XIRP2: variants seen among roughly 807,000 people sequenced by gnomAD.
The protein encoded by XIRP2 is xin actin binding repeat containing 2, also known as xin actin-binding repeat-containing protein 2.
Under a neutral mutation model 277.0 loss-of-function variants are expected in XIRP2, and 236 were observed. That is an observed-to-expected ratio of 0.85 (90% CI 0.77 to 0.95). The LOEUF is 0.95. Among genes scored for constraint, XIRP2 ranks in the 40% least tolerant of loss-of-function variants. The pLI is 0.00. For missense variants in XIRP2, 4,640 were observed against 4,157.5 expected, an observed-to-expected ratio of 1.12 and a Z score of -3.19; for synonymous variants, 1,490 against 1,416.5, an observed-to-expected ratio of 1.05 and a Z score of -1.17.
rs959210816 is a variant in XIRP2 at position 166,988,467 on chromosome 2, A to G, written c.408+84577A>G. On this transcript the variant is annotated intron_variant, in intron 2 of 10. Coordinates refer to ENST00000409195, the MANE Select transcript of XIRP2 (RefSeq NM_152381.6). Reference sequence around the variant, plus strand: ...GAAAACTTTAGTTGGAGGAGCCAAGATGGCCGAATAGGAACAGCTCCGGTC... The same window carrying G: ...GAAAACTTTAGTTGGAGGAGCCAAGGTGGCCGAATAGGAACAGCTCCGGTC... Among the ~76,000 whole-genome samples the G allele has an allele frequency of 1.5e-5, 2 of 134,394 alleles. 1 individual carries two copies. Among genetic ancestry groups the G allele is most frequent in the African/African-American group, 5.9e-5 (2 of 33,804 alleles). The allele number at this position is 134,394 out of a possible 152,430, so 88.2% of individuals were successfully genotyped here.
At chr2:167,053,883 A>G (rs1393462650) in intron 2 of XIRP2, among the ~76,000 whole-genome samples, 1 of 152,218 alleles carries the variant, frequency 6.6e-6, no homozygotes, top group African/African-American at 2.4e-5. Context: ...GTTCTTGGCA[A>G]GGAGTAAGCT....
chr2:167,095,986 G>A (rs925815842), intron 2 of XIRP2, among the ~76,000 whole-genome samples: 2 of 145,786 alleles, frequency 1.4e-5, no homozygotes, highest in African/African-American at 2.5e-5. Context: ...CCATTCTTCT[G>A]CCTCTGCCTC....
intron 2 of XIRP2, among the ~76,000 whole-genome samples, chr2:166,985,725 G>A (rs571071931): frequency 1.3e-5 from 2 of 151,942 alleles, no homozygotes; most frequent in African/African-American, 2.4e-5. Flanking sequence ...CACCGCGCCC[G>A]GCCTAAAAAT....
intron 2 of XIRP2, among the ~76,000 whole-genome samples, chr2:166,932,216 C>CTT (rs373806059): frequency 2.1e-5 from 3 of 141,396 alleles, no homozygotes; most frequent in Non-Finnish European, 3.1e-5. Flanking sequence ...CTCTCTCTCT[C>CTT]TTTTTTTTTT....
At chr2:167,158,238 C>A (rs1387172618) in intron 3 of XIRP2, among the ~76,000 whole-genome samples, 1 of 152,086 alleles carries the variant, frequency 6.6e-6, no homozygotes, top group Non-Finnish European at 1.5e-5. Flanking sequence ...TACATATTTT[C>A]TATTATTTCT....
intron 2 of XIRP2, among the ~76,000 whole-genome samples, chr2:167,067,888 C>A (rs950625518): frequency 6.6e-6 from 1 of 152,056 alleles, no homozygotes; most frequent in African/African-American, 2.4e-5. Flanking sequence ...TTTCTCAGGC[C>A]TTATGTAGTT....
At chr2:167,174,237 C>G (rs920296109) in intron 3 of XIRP2, among the ~76,000 whole-genome samples, 5 of 152,150 alleles carry the variant, frequency 3.3e-5, no homozygotes, top group Admixed American at 3.3e-4. Flanking sequence ...GTGAATCTGT[C>G]TGGTCCTGGG....
intron 2 of XIRP2, among the ~76,000 whole-genome samples, chr2:167,080,026 A>G (rs909065791): frequency 6.6e-6 from 1 of 152,060 alleles, no homozygotes; most frequent in Non-Finnish European, 1.5e-5. Context: ...ATCCAAACAT[A>G]AAATAAAATA....
Position 167,244,445 on chromosome 2 carries a change from G to T in XIRP2, c.3053G>T (p.Arg1018Met). ...EIVRGDVRSC[R>M]WLFETRPIDQ... is the part of the protein sequence containing the mutation. ...GTAAGAGGTGATGTAAGAAGCTGTA[G>T]GTGGCTTTTTGAAACAAGGCCCATT... The change falls in exon 9 of 11, where the codon AGG (arginine) becomes ATG (methionine). Residue 1018 changes from arginine to methionine, a missense_variant. Coordinates refer to ENST00000409195, the MANE Select transcript of XIRP2 (RefSeq NM_152381.6). 1 of 1,613,786 alleles carries T rather than the reference G, an allele frequency of 6.2e-7. No homozygotes were observed. The highest frequency in any genetic ancestry group is 1.7e-4 in the Middle Eastern group (1 of 6,060).
At chr2:167,209,931 C>G (rs1693973085) in intron 3 of XIRP2, among the ~76,000 whole-genome samples, 1 of 152,070 alleles carries the variant, frequency 6.6e-6, no homozygotes, top group East Asian at 1.9e-4. Context: ...TAAGATCATT[C>G]TGTTTCTTAC....
At position 167,244,884 on chromosome 2, in the gene XIRP2, A is replaced by C. The variant is rs760166322; in HGVS notation, c.3492A>C (p.Thr1164=). 7 of 1,613,318 alleles carry C rather than the reference A, an allele frequency of 4.3e-6. No individual in the cohort carries two copies. The highest frequency in any genetic ancestry group is 5.9e-6 in the Non-Finnish European group (7 of 1,179,704). ...QEEIQGGDVR[T]ACFLFETENL... ...AGATCCAAGGTGGGGATGTTCGTAC[A>C]GCATGTTTTCTTTTTGAGACAGAAA... The change falls in exon 9 of 11, where the codon ACA becomes ACC. Residue 1164 remains threonine, a synonymous_variant. Coordinates refer to ENST00000409195, the MANE Select transcript of XIRP2 (RefSeq NM_152381.6).
chr2:166,903,951 T>C, intron 2 of XIRP2, 61 bp downstream of exon 2: 1 of 1,545,890 alleles, frequency 6.5e-7, no homozygotes, highest in Non-Finnish European at 8.8e-7. Flanking sequence ...AGCCTACCAT[T>C]TATTACTAAG....
intron 2 of XIRP2, among the ~76,000 whole-genome samples, chr2:166,911,624 T>C (rs1240894632): frequency 4.6e-5 from 7 of 152,202 alleles, no homozygotes; most frequent in Non-Finnish European, 1.0e-4. Flanking sequence ...AGGTTAATAT[T>C]GTTATGTGTG....
intron 2 of XIRP2, among the ~76,000 whole-genome samples, chr2:167,117,566 A>C (rs954321399): frequency 6.6e-6 from 1 of 152,180 alleles, no homozygotes; most frequent in Non-Finnish European, 1.5e-5. Context: ...CAGCTTCTCC[A>C]AAAAATCTCA....
At chr2:166,953,195 A>G (rs191465558) in intron 2 of XIRP2, among the ~76,000 whole-genome samples, 43 of 152,042 alleles carry the variant, frequency 2.8e-4, no homozygotes, top group Non-Finnish European at 5.0e-4. Flanking sequence ...TCTCTTGTAG[A>G]GCCCAGGATA....
Position 167,008,722 on chromosome 2 carries a change from T to C in XIRP2, c.408+104832T>C, listed in dbSNP as rs375316571. Among the ~76,000 whole-genome samples the C allele has an allele frequency of 1.7e-4, 26 of 151,730 alleles. No individual in the cohort carries two copies. The South Asian group carries it at 5.4e-3, about 31-fold the overall frequency. ...TAAAAAATAATCACAAACCTGAAAC[T>C]AAATAAGTACATAATTATGGACCTT... On this transcript the variant is annotated intron_variant, in intron 2 of 10. Coordinates refer to ENST00000409195, the MANE Select transcript of XIRP2 (RefSeq NM_152381.6).
chr2:167,179,400 A>G (rs1692945660), intron 3 of XIRP2, among the ~76,000 whole-genome samples: 1 of 148,512 alleles, frequency 6.7e-6, no homozygotes, highest in Admixed American at 6.8e-5. Flanking sequence ...GGCTCACTGC[A>G]ACCTCCACCT....
At chr2:167,175,587 G>T (rs1313043805) in intron 3 of XIRP2, among the ~76,000 whole-genome samples, 1 of 152,152 alleles carries the variant, frequency 6.6e-6, no homozygotes, top group Non-Finnish European at 1.5e-5. Context: ...CTGCTGGGAG[G>T]TGTCTCCCAG....
chr2:167,100,388 T>C lies in XIRP2; in HGVS notation c.409-35521T>C, dbSNP rs1690455499. Among the ~76,000 whole-genome samples the C allele has an allele frequency of 2.0e-5, 3 of 152,174 alleles. No homozygotes were observed. In the South Asian group the frequency reaches 6.2e-4, roughly 31 times the overall value. On this transcript the variant is annotated intron_variant, in intron 2 of 10. Coordinates refer to ENST00000409195, the MANE Select transcript of XIRP2 (RefSeq NM_152381.6). ...ACTCAGGATTTATATGAATAATAAA[T>C]AATGTAACTATTGCTTAGAGATTGC...
Sources: allele counts gnomAD v4.1 joint callset (sites outside exome capture counted in the v4.1 genomes callset), GRCh38; gene constraint gnomAD v4.1.1; transcripts MANE v1.5; gene names NCBI Gene and HGNC (gene_info 2026-07-23, HGNC 2026-07-21).